The following UBE2D2 variants were observed in gnomAD, a reference collection of about 807,000 sequenced individuals.
The protein encoded by UBE2D2 is ubiquitin-conjugating enzyme E2 D2.
In UBE2D2, 2 loss-of-function variants were observed where a neutral mutation model predicts 24.2. The ratio of observed to expected loss-of-function variants is 0.08; its 90% CI spans 0.03 to 0.26. The LOEUF is 0.26. UBE2D2 is among the 10% of genes least tolerant of loss of function. The probability of loss-of-function intolerance (pLI) is 1.00; values close to 1 mark genes in which losing one functional copy is unlikely to be tolerated. For synonymous variants in UBE2D2, 58 were observed against 56.5 expected (o/e 1.03, Z -0.12); for missense variants, 44 against 177.6 (o/e 0.25, Z 4.28).
At chr5:139,626,628 A>G in intron 6 of UBE2D2, 128 bp from the exon 7 acceptor site, 1 of 726,716 alleles carries the variant, frequency 1.4e-6, no homozygotes, top group Non-Finnish European at 2.4e-6. Flanking sequence ...AATTTGGGAT[A>G]GAAAGGGGCC....
intron 1 of UBE2D2, among the ~76,000 whole-genome samples, chr5:139,527,646 C>A (rs895008491): frequency 6.6e-6 from 1 of 151,722 alleles, no homozygotes; most frequent in African/African-American, 2.4e-5. Flanking sequence ...AAATTCTTGT[C>A]CTGAAATAAA....
chr5:139,603,945 G>A (rs972272363), intron 2 of UBE2D2, among the ~76,000 whole-genome samples: 3 of 151,678 alleles, frequency 2.0e-5, no homozygotes, highest in Admixed American at 1.3e-4. Flanking sequence ...CTGAAACTCC[G>A]TCTCAAAAAA....
In UBE2D2 at chr5:139,623,527, T is replaced by C. The variant is rs188910455; in HGVS notation, c.398+66T>C. 3.8e-5 allele frequency: 51 copies of C among 1,359,158 alleles called. No homozygotes were observed. In the African/African-American group the frequency reaches 4.5e-4, roughly 12 times the overall value. The allele number at this position is 1,359,158 out of a possible 1,614,324, so 84.2% of individuals were successfully genotyped here. A position where few individuals can be genotyped will look rare whatever the true frequency, so the allele number is the denominator to read the frequency against. On this transcript the variant is annotated intron_variant, in intron 6 of 6. Coordinates refer to ENST00000398733, the MANE Select transcript of UBE2D2 (RefSeq NM_003339.3). ...TGGAGATGTTTGTCACAAATCTTTC[T>C]TGTTTAAGGGCTGAATATCGGCCAG...
intron 5 of UBE2D2, among the ~76,000 whole-genome samples, chr5:139,617,250 CAGAAAAA>C (rs1259639383): frequency 2.0e-5 from 3 of 149,664 alleles, no homozygotes; most frequent in East Asian, 1.9e-4. Context: ...TTGAGAAAAG[CAGAAAAA>C]AGAAAAAAGG....
At chr5:139,592,350 C>T (rs1753862461) in intron 1 of UBE2D2, among the ~76,000 whole-genome samples, 1 of 152,112 alleles carries the variant, frequency 6.6e-6, no homozygotes, top group African/African-American at 2.4e-5. Context: ...CTAGTATCAC[C>T]TTTTATCTCT....
intron 2 of UBE2D2, 22 bp downstream of exon 2, chr5:139,600,457 T>C (rs1410388756): frequency 1.9e-6 from 3 of 1,611,694 alleles, no homozygotes; most frequent in African/African-American, 2.7e-5. Context: ...AAAGGAATAA[T>C]GGAGTAATAG....
upstream of UBE2D2, among the ~76,000 whole-genome samples, chr5:139,560,434 G>C (rs2126644505): frequency 6.6e-6 from 1 of 152,250 alleles, no homozygotes; most frequent in African/African-American, 2.4e-5. Context: ...CTGACCTCGT[G>C]ATCCGCCTGC....
chr5:139,605,909 T>TA (rs2126692077), intron 2 of UBE2D2, among the ~76,000 whole-genome samples: 1 of 150,158 alleles, frequency 6.7e-6, no homozygotes, highest in South Asian at 2.1e-4. Context: ...CCTGGCTAAT[T>TA]TAAAAAAAAA....
At chr5:139,578,853 T>G (rs1230412379) in intron 1 of UBE2D2, among the ~76,000 whole-genome samples, 2 of 152,232 alleles carry the variant, frequency 1.3e-5, no homozygotes. Context: ...AACACATCAA[T>G]TGAAAGATGT....
chr5:139,579,873 C>G (rs1753556309), intron 1 of UBE2D2, among the ~76,000 whole-genome samples: 1 of 151,876 alleles, frequency 6.6e-6, no homozygotes, highest in Non-Finnish European at 1.5e-5. Flanking sequence ...TGGTGAAACC[C>G]TGTCTCTACT....
At chr5:139,620,152 C>T (rs901545349) in intron 5 of UBE2D2, among the ~76,000 whole-genome samples, 1 of 152,136 alleles carries the variant, frequency 6.6e-6, no homozygotes, top group African/African-American at 2.4e-5. Flanking sequence ...CCCACCAGGC[C>T]CCACCTCCAA....
chr5:139,539,014 G>A (rs1752722126), intron 1 of UBE2D2, among the ~76,000 whole-genome samples: 1 of 152,106 alleles, frequency 6.6e-6, no homozygotes, highest in Admixed American at 6.6e-5. Context: ...GGAATTACGT[G>A]ACTGAGAAAA....
intron 1 of UBE2D2, among the ~76,000 whole-genome samples, chr5:139,588,407 C>G (rs925637579): frequency 1.3e-5 from 2 of 152,170 alleles, no homozygotes; most frequent in Non-Finnish European, 2.9e-5. Flanking sequence ...TCCCAAGTAG[C>G]TGGGGCTACA....
At chr5:139,546,411 C>CT (rs1752826582) in intron 1 of UBE2D2, among the ~76,000 whole-genome samples, 1 of 152,160 alleles carries the variant, frequency 6.6e-6, no homozygotes, top group African/African-American at 2.4e-5. Flanking sequence ...TCTTGAACTC[C>CT]TGACCTCATG....
chr5:139,601,401 C>G lies in UBE2D2; in HGVS notation c.88+966C>G, dbSNP rs185405805. Among the ~76,000 whole-genome samples, 713 of 152,126 alleles carry G rather than the reference C, an allele frequency of 4.7e-3. 8 individuals carry two copies. Among genetic ancestry groups the G allele is most frequent in the African/African-American group, 0.014 (597 of 41,508 alleles). On this transcript the variant is annotated intron_variant, in intron 2 of 6. Transcript: ENST00000398733. ...GGTGAATCAATTGAGCCCAGGAGTT[C>G]AAGACCAGCTTGGTCAACATGGTGA...
At chr5:139,543,475 A>G (rs1303777721) in intron 1 of UBE2D2, among the ~76,000 whole-genome samples, 3 of 152,176 alleles carry the variant, frequency 2.0e-5, no homozygotes, top group Non-Finnish European at 2.9e-5. Context: ...ATTGCACGTC[A>G]GTAGGCGGGC....
rs199662706 is a variant in UBE2D2 at position 139,580,045 on chromosome 5, C to CAAAA, written c.24+18243_24+18246dup. Reference sequence around the variant, plus strand: ...TGGGCAACAGAGCGAGACTCCCTCTCAAAAAAAAAAAAAAAAGTTGTTCCC... The same window carrying CAAAA: ...TGGGCAACAGAGCGAGACTCCCTCTCAAAAAAAAAAAAAAAAAAAAGTTGTTCCC... On this transcript the variant is annotated intron_variant, in intron 1 of 6. Coordinates refer to ENST00000398733, the MANE Select transcript of UBE2D2 (RefSeq NM_003339.3). 3.1e-3 allele frequency among the ~76,000 whole-genome samples: 357 copies of CAAAA among 116,966 alleles called. 4 individuals carry two copies. The highest frequency in any genetic ancestry group is 9.2e-3 in the African/African-American group (290 of 31,392). 76.7% of individuals were successfully genotyped at this position (116,966 alleles called of 152,430 possible).
chr5:139,571,362 G>A (rs574788116), intron 1 of UBE2D2, among the ~76,000 whole-genome samples: 2 of 149,616 alleles, frequency 1.3e-5, no homozygotes, highest in African/African-American at 2.5e-5. Flanking sequence ...TGCCGAGGTC[G>A]TGCCACTGTA....
At position 139,627,690 on chromosome 5, in the gene UBE2D2, T is replaced by C. The variant is rs376914117; in HGVS notation, c.*889T>C. 2.6e-4 allele frequency: 40 copies of C among 152,764 alleles called. No individual in the cohort carries two copies. The East Asian group carries it at 5.6e-3, about 21-fold the overall frequency. The allele number at this position is 152,764 out of a possible 1,614,324, so 9.5% of individuals were successfully genotyped here. A position where few individuals can be genotyped will look rare whatever the true frequency, so the allele number is the denominator to read the frequency against. On this transcript the variant is annotated 3_prime_UTR_variant, in exon 7 of 7. Transcript: ENST00000398733. ...AACTGGTTACTACAGTCATTACATATAATTTTGTGTGAATAGGCTTTTTCA... is the reference window on the plus strand; with the variant it reads ...AACTGGTTACTACAGTCATTACATACAATTTTGTGTGAATAGGCTTTTTCA...
Sources: gnomAD v4.1 joint callset for allele counts (sites outside exome capture counted in the v4.1 genomes callset) on GRCh38, gnomAD v4.1.1 for gene constraint, MANE v1.5 for transcripts, NCBI Gene and HGNC (gene_info 2026-07-23, HGNC 2026-07-21) for gene names.